Variants in PRICKLE2 observed in about 807,000 individuals in gnomAD.
PRICKLE2 encodes the protein prickle-like protein 2.
In PRICKLE2, 21 loss-of-function variants were observed where a neutral mutation model predicts 81.4. That is an observed-to-expected ratio of 0.26 (90% CI 0.18 to 0.37). The LOEUF (loss-of-function observed/expected upper bound fraction) is 0.37, where lower values mean the gene tolerates loss of function less well. Ranked by LOEUF, PRICKLE2 falls within the 10% of genes least tolerant of loss-of-function variation. The pLI is 1.00. For synonymous variants in PRICKLE2, 456 were observed against 421.5 expected (o/e 1.08, Z -1.00); for missense variants, 940 against 1,109.0 (o/e 0.85, Z 2.16).
At chr3:64,246,195 T>C (rs2079349617) in intron 2 of PRICKLE2, among the ~76,000 whole-genome samples, 1 of 152,032 alleles carries the variant, frequency 6.6e-6, no homozygotes, top group African/African-American at 2.4e-5. Flanking sequence ...TGAGCTGAGA[T>C]CATCCCACTG....
At chr3:64,146,795 C>T (rs756624801) in intron 7 of PRICKLE2, 35 bp downstream of exon 7, 1 of 1,612,864 alleles carries the variant, frequency 6.2e-7, no homozygotes, top group Non-Finnish European at 8.5e-7. Context: ...GAGACTACCC[C>T]CTTTCTATCT....
At chr3:64,140,377 G>A (rs922069383) in intron 7 of PRICKLE2, among the ~76,000 whole-genome samples, 3 of 152,130 alleles carry the variant, frequency 2.0e-5, no homozygotes, top group African/African-American at 7.2e-5. Context: ...AAACAGAAAC[G>A]TTGTTTCCCC....
chr3:64,187,836 G>A (rs2078263537), intron 2 of PRICKLE2, among the ~76,000 whole-genome samples: 1 of 152,200 alleles, frequency 6.6e-6, no homozygotes, highest in Non-Finnish European at 1.5e-5. Flanking sequence ...TGGACGCCTG[G>A]CACTGTGGCC....
In PRICKLE2 at chr3:64,264,948, T is replaced by C. The variant is rs555049173; in HGVS notation, c.129-65981A>G. Among the ~76,000 whole-genome samples the C allele has an allele frequency of 5.3e-5, 8 of 152,300 alleles. 1 individual carries two copies. Among genetic ancestry groups the C allele is most frequent in the African/African-American group, 1.9e-4 (8 of 41,560 alleles). ...AAATATGAAGCAATTCTCAAAGGCC[T>C]CTGGGCTAATCTTGCAGGGAGATCA... On this transcript the variant is annotated intron_variant, in intron 2 of 8. Transcript: ENST00000295902.
upstream of PRICKLE2, among the ~76,000 whole-genome samples, chr3:64,227,701 C>T (rs1282062598): frequency 3.3e-5 from 5 of 152,170 alleles, no homozygotes; most frequent in Non-Finnish European, 5.9e-5. Context: ...AATGATAGTG[C>T]CTACCTGCAT....
At chr3:64,265,364 T>TA (rs1002256702) in intron 2 of PRICKLE2, among the ~76,000 whole-genome samples, 27 of 152,018 alleles carry the variant, frequency 1.8e-4, no homozygotes, top group East Asian at 1.9e-4. Flanking sequence ...TTTTAGTAGC[T>TA]AAAAAAAATC....
intron 2 of PRICKLE2, among the ~76,000 whole-genome samples, chr3:64,176,519 A>T (rs1398839943): frequency 6.6e-6 from 1 of 152,234 alleles, no homozygotes; most frequent in Non-Finnish European, 1.5e-5. Flanking sequence ...TCTAGGACCA[A>T]TTCAAGTTTT....
intron 7 of PRICKLE2, among the ~76,000 whole-genome samples, chr3:64,137,920 C>A (rs1460009491): frequency 3.9e-5 from 6 of 152,130 alleles, no homozygotes; most frequent in Non-Finnish European, 7.3e-5. Flanking sequence ...GAAGGCTGGG[C>A]TCCATCTAAT....
At chr3:64,164,938 G>A (rs956766619) in intron 2 of PRICKLE2, among the ~76,000 whole-genome samples, 1 of 152,148 alleles carries the variant, frequency 6.6e-6, no homozygotes, top group Admixed American at 6.5e-5. Context: ...CAAAGGCCAG[G>A]TATAAAAAAG....
At chr3:64,136,409 T>C (rs559144864) in intron 7 of PRICKLE2, among the ~76,000 whole-genome samples, 93 of 150,294 alleles carry the variant, frequency 6.2e-4, no homozygotes, top group African/African-American at 2.2e-3. Context: ...CCTGAGAGAT[T>C]CTGTTTGTGG....
In PRICKLE2 at chr3:64,198,814, G is replaced by A. The variant is rs2078512371; in HGVS notation, c.114C>T (p.Ala38=). The A allele has an allele frequency of 6.2e-7, 1 of 1,614,134 alleles. No homozygotes were observed. The highest frequency in any genetic ancestry group is 8.5e-7 in the Non-Finnish European group (1 of 1,180,016). Residue 38 remains alanine, a synonymous_variant, in exon 2 of 8, where the codon GCC becomes GCT. Transcript: ENST00000638394. ...DDSGCALEEY[A]WVPPGLKPEQ... ...CAGGCTTCAGACCCGGCGGGACCCA[G>A]GCATACTCTTCCAAAGCACAGCCTG... is the stretch of plus-strand genomic sequence containing the variant.
At chr3:64,249,823 A>T (rs1384754019) in intron 2 of PRICKLE2, among the ~76,000 whole-genome samples, 1 of 152,220 alleles carries the variant, frequency 6.6e-6, no homozygotes, top group African/African-American at 2.4e-5. Context: ...CTTTTGTGAA[A>T]TAAGTAGTGC....
chr3:64,242,210 C>CATA (rs2079277047), intron 2 of PRICKLE2, among the ~76,000 whole-genome samples: 1 of 152,142 alleles, frequency 6.6e-6, no homozygotes. Flanking sequence ...ATAATGTGCA[C>CATA]ATAATAATAA....
intron 7 of PRICKLE2, among the ~76,000 whole-genome samples, chr3:64,140,552 T>C (rs898751960): frequency 3.9e-5 from 6 of 152,178 alleles, no homozygotes; most frequent in African/African-American, 1.4e-4. Flanking sequence ...CAGTCTCCAG[T>C]TGTCCTGTGG....
intron 7 of PRICKLE2, among the ~76,000 whole-genome samples, chr3:64,113,918 G>A (rs2076892649): frequency 6.6e-6 from 1 of 152,154 alleles, no homozygotes; most frequent in African/African-American, 2.4e-5. Flanking sequence ...CAGCTATGCT[G>A]CCTCTGTCAT....
intron 7 of PRICKLE2, among the ~76,000 whole-genome samples, chr3:64,119,576 T>A (rs552340864): frequency 6.6e-6 from 1 of 152,270 alleles, no homozygotes; most frequent in South Asian, 2.1e-4. Context: ...GGTGAGGCTG[T>A]GGAGAAAAGA....
rs141934358 is a variant in PRICKLE2 at position 64,120,864 on chromosome 3, C to T, written c.1661-20939G>A. Among the ~76,000 whole-genome samples, 533 of 152,288 alleles carry T rather than the reference C, an allele frequency of 3.5e-3. 3 individuals are homozygous for T. The highest frequency in any genetic ancestry group is 0.011 in the African/African-American group (452 of 41,566). On this transcript the variant is annotated intron_variant, in intron 7 of 7. Transcript: ENST00000638394. ...GAGAAAGCACGGCTTTGCACTATGC[C>T]GTGTCCTACTTCTCCCTTCAGCAAA...
chr3:64,165,742 C>T (rs2077818114), intron 2 of PRICKLE2, among the ~76,000 whole-genome samples: 1 of 152,174 alleles, frequency 6.6e-6, no homozygotes, highest in South Asian at 2.1e-4. Flanking sequence ...CTCCTGGGCT[C>T]AAGCTATTCT....
chr3:64,202,245 A>G (rs546713861), intron 1 of PRICKLE2, among the ~76,000 whole-genome samples: 1 of 152,290 alleles, frequency 6.6e-6, no homozygotes, highest in East Asian at 1.9e-4. Flanking sequence ...GCATTCATAA[A>G]ATATGAATTT....
Sources: allele counts gnomAD v4.1 joint callset (sites outside exome capture counted in the v4.1 genomes callset), GRCh38; gene constraint gnomAD v4.1.1; transcripts MANE v1.5; gene names NCBI Gene and HGNC (gene_info 2026-07-23, HGNC 2026-07-21).